SORCS3: variants seen among roughly 807,000 people sequenced by gnomAD.
SORCS3 encodes the protein sortilin related VPS10 domain containing receptor 3.
A neutral mutation model predicts 146.3 loss-of-function variants in SORCS3; 57 were observed. The ratio of observed to expected loss-of-function variants is 0.39; its 90% CI spans 0.31 to 0.49. The LOEUF (loss-of-function observed/expected upper bound fraction) is 0.49, where lower values mean the gene tolerates loss of function less well. SORCS3 is among the 20% of genes least tolerant of loss of function. The pLI, the probability that SORCS3 is intolerant of heterozygous loss-of-function variation, is 0.92. For synonymous variants in SORCS3, 653 were observed against 618.5 expected, an observed-to-expected ratio of 1.06 and a Z score of -0.83; for missense variants, 1,341 against 1,575.5, an observed-to-expected ratio of 0.85 and a Z score of 2.52.
intron 2 of SORCS3, among the ~76,000 whole-genome samples, chr10:104,847,775 G>C (rs1342928845): frequency 6.6e-6 from 1 of 152,030 alleles, no homozygotes; most frequent in Non-Finnish European, 1.5e-5. Context: ...CCCACCCTTA[G>C]CCTTGCTTTA....
chr10:104,852,081 T>C (rs974842914), intron 2 of SORCS3, among the ~76,000 whole-genome samples: 12 of 152,240 alleles, frequency 7.9e-5, no homozygotes, highest in African/African-American at 2.9e-4. Flanking sequence ...AAGGTTTATC[T>C]TGTAAAAGAT....
chr10:104,994,642 T>C (rs186881352), intron 4 of SORCS3, among the ~76,000 whole-genome samples: 130 of 152,330 alleles, frequency 8.5e-4, no homozygotes, highest in Non-Finnish European at 1.6e-3. Flanking sequence ...CAATTGGTGG[T>C]ACTCTTTATA....
chr10:104,787,132 G>A (rs1316143197), intron 1 of SORCS3, among the ~76,000 whole-genome samples: 1 of 152,180 alleles, frequency 6.6e-6, no homozygotes, highest in Non-Finnish European at 1.5e-5. Flanking sequence ...AGCACACAGA[G>A]TCCTCACCTT....
At chr10:105,152,161 T>G (rs879483277) in intron 9 of SORCS3, among the ~76,000 whole-genome samples, 1 of 152,204 alleles carries the variant, frequency 6.6e-6, no homozygotes, top group Non-Finnish European at 1.5e-5. Flanking sequence ...ATACATTTTC[T>G]TCAATGCTCT....
At chr10:105,188,918 G>T (rs2056496220) in intron 14 of SORCS3, among the ~76,000 whole-genome samples, 1 of 152,182 alleles carries the variant, frequency 6.6e-6, no homozygotes, top group Non-Finnish European at 1.5e-5. Context: ...GTCCTGGATG[G>T]AGGTGGTAGA....
chr10:104,936,763 C>T (rs759194722), intron 3 of SORCS3, among the ~76,000 whole-genome samples: 1 of 152,216 alleles, frequency 6.6e-6, no homozygotes, highest in Admixed American at 6.5e-5. Context: ...ACCCAGACTG[C>T]TATCAATTCA....
chr10:105,070,429 C>A (rs1266020089), intron 5 of SORCS3, among the ~76,000 whole-genome samples: 2 of 152,156 alleles, frequency 1.3e-5, no homozygotes, highest in East Asian at 3.9e-4. Context: ...AGATTCACCA[C>A]CAGGGAGGTT....
chr10:105,077,627 A>G (rs1456145164), intron 5 of SORCS3, among the ~76,000 whole-genome samples: 1 of 151,918 alleles, frequency 6.6e-6, no homozygotes, highest in Admixed American at 6.6e-5. Flanking sequence ...GCAGAACCCT[A>G]TCCTAGGACC....
intron 1 of SORCS3, among the ~76,000 whole-genome samples, chr10:104,690,668 A>G (rs1182519584): frequency 1.3e-5 from 2 of 152,024 alleles, no homozygotes; most frequent in African/African-American, 4.8e-5. Context: ...TTCACTTCCT[A>G]CTTTTCCCTC....
rs375711003 is a variant in SORCS3 at position 105,255,797 on chromosome 10, G to A, written c.3333G>A (p.Thr1111=). The change falls in exon 24 of 27, where the codon ACG becomes ACA. Residue 1111 remains threonine (T), a synonymous_variant. Coordinates refer to ENST00000369701, the MANE Select transcript of SORCS3 (RefSeq NM_014978.3). ...VQVIVYVTQL[T]LAPLVDSSAG... ...TCATTGTGTATGTCACACAGCTGACGTTAGGTGAGTGCCACTGGGAACTGG... is the reference window on the plus strand; with the variant it reads ...TCATTGTGTATGTCACACAGCTGACATTAGGTGAGTGCCACTGGGAACTGG... 8.4e-5 allele frequency: 135 copies of A among 1,611,202 alleles called. No homozygotes were observed. Among genetic ancestry groups the A allele is most frequent in the Non-Finnish European group, 9.8e-5 (115 of 1,178,052 alleles).
rs2055929182 is a variant in SORCS3, at chr10:105,121,087, A to G, written c.1212+15572A>G. ...AGAGTTTCTATCATCAGCTCAAAGG[A>G]GTGAGATCAGCTATACACTCTCAAT... On this transcript the variant is annotated intron_variant, in intron 7 of 26. Coordinates refer to ENST00000369701, the MANE Select transcript of SORCS3 (RefSeq NM_014978.3). Among the ~76,000 whole-genome samples, 6 of 152,170 alleles carry G rather than the reference A, an allele frequency of 3.9e-5. 1 individual carries two copies. The South Asian group carries it at 1.2e-3, about 32-fold the overall frequency.
chr10:105,236,622 G>A (rs1266015671), intron 20 of SORCS3, among the ~76,000 whole-genome samples: 2 of 152,098 alleles, frequency 1.3e-5, no homozygotes, highest in Admixed American at 1.3e-4. Context: ...GGCCTGTGAG[G>A]AATGGAAGAC....
chr10:104,886,559 T>C (rs761063507), intron 2 of SORCS3, among the ~76,000 whole-genome samples: 7 of 66,486 alleles, frequency 1.1e-4, no homozygotes, highest in Non-Finnish European at 1.7e-4. Flanking sequence ...CTCTATCATC[T>C]ATCTATCTAT....
chr10:104,978,845 A>T (rs937547970), intron 4 of SORCS3, among the ~76,000 whole-genome samples: 10 of 152,180 alleles, frequency 6.6e-5, no homozygotes, highest in Non-Finnish European at 1.2e-4. Context: ...CTTTGTTCAC[A>T]AACTAAAGAC....
intron 4 of SORCS3, among the ~76,000 whole-genome samples, chr10:105,016,153 ATAT>A (rs1299123502): frequency 2.4e-4 from 24 of 101,440 alleles, no homozygotes; most frequent in African/African-American, 1.1e-3. Flanking sequence ...ATATATATAT[ATAT>A]TTTTTTTTTT....
intron 1 of SORCS3, among the ~76,000 whole-genome samples, chr10:104,724,202 C>G (rs1449186774): frequency 6.6e-6 from 1 of 152,144 alleles, no homozygotes; most frequent in Admixed American, 6.5e-5. Flanking sequence ...ATTTGCTTGT[C>G]TGTAAAGGAT....
intron 1 of SORCS3, among the ~76,000 whole-genome samples, chr10:104,720,817 G>A (rs553814740): frequency 6.6e-6 from 1 of 152,266 alleles, no homozygotes; most frequent in Admixed American, 6.5e-5. Flanking sequence ...ACTTGTTGAT[G>A]GGGTTGTTTG....
At chr10:105,033,323 T>G (rs999412652) in intron 4 of SORCS3, among the ~76,000 whole-genome samples, 5 of 152,140 alleles carry the variant, frequency 3.3e-5, no homozygotes, top group African/African-American at 1.2e-4. Context: ...AAAAGAGCAT[T>G]GAGTGAAGTC....
chr10:104,987,836 T>C (rs1159664411), intron 4 of SORCS3, among the ~76,000 whole-genome samples: 1 of 152,198 alleles, frequency 6.6e-6, no homozygotes, highest in African/African-American at 2.4e-5. Flanking sequence ...TATTTGCTTA[T>C]TTGCTTTGAC....
Sources: gnomAD v4.1 joint callset for allele counts (sites outside exome capture counted in the v4.1 genomes callset) on GRCh38, gnomAD v4.1.1 for gene constraint, MANE v1.5 for transcripts, NCBI Gene and HGNC (gene_info 2026-07-23, HGNC 2026-07-21) for gene names.